Variants in LRP2 observed in about 807,000 individuals in gnomAD.
The protein encoded by LRP2 is LDL receptor related protein 2, also known as low-density lipoprotein receptor-related protein 2.
In LRP2, 172 loss-of-function variants were observed where a neutral mutation model predicts 531.0. The observed-to-expected ratio is 0.32, with a 90% confidence interval of 0.29 to 0.37. The LOEUF is 0.37. LRP2 is among the 10% of genes least tolerant of loss of function. The probability of loss-of-function intolerance (pLI) is 1.00; values close to 1 mark genes in which losing one functional copy is unlikely to be tolerated. For missense variants in LRP2, 5,167 were observed against 5,868.3 expected (o/e 0.88, Z 3.90); for synonymous variants, 1,992 against 2,027.6 (o/e 0.98, Z 0.47).
intron 44 of LRP2, 74 bp from the exon 45 acceptor site, chr2:169,198,985 C>A: frequency 6.6e-7 from 1 of 1,510,074 alleles, no homozygotes; most frequent in South Asian, 1.2e-5. Context: ...TCCGTGCTAA[C>A]ACATCTATTG....
intron 10 of LRP2, among the ~76,000 whole-genome samples, chr2:169,281,131 A>T (rs548889750): frequency 6.6e-6 from 1 of 152,320 alleles, no homozygotes; most frequent in African/African-American, 2.4e-5. Flanking sequence ...ATTATAAAAA[A>T]ATAATTAAGG....
intron 50 of LRP2, among the ~76,000 whole-genome samples, chr2:169,184,789 G>C (rs6744155): frequency 6.6e-6 from 1 of 151,402 alleles, no homozygotes; most frequent in Non-Finnish European, 1.5e-5. Flanking sequence ...TTGAGAAAGG[G>C]TCTCACTCTG....
intron 68 of LRP2, among the ~76,000 whole-genome samples, chr2:169,147,945 A>C (rs1011731454): frequency 2.4e-4 from 37 of 152,202 alleles, no homozygotes; most frequent in Non-Finnish European, 4.6e-4. Flanking sequence ...TATGTTAAAA[A>C]AAAAAAAATC....
At chr2:169,205,148 C>T (rs1005816392) in intron 41 of LRP2, among the ~76,000 whole-genome samples, 2 of 151,644 alleles carry the variant, frequency 1.3e-5, no homozygotes, top group Non-Finnish European at 2.9e-5. Flanking sequence ...TAGCAGTTAC[C>T]TAGGGCCTGC....
At position 169,271,091 on chromosome 2, in the gene LRP2, G is replaced by T. The variant is rs1333983104; in HGVS notation, c.2133C>A (p.Leu711=). The T allele has an allele frequency of 6.2e-7, 1 of 1,612,648 alleles. No homozygotes were observed. Among genetic ancestry groups the T allele is most frequent in the Middle Eastern group, 1.7e-4 (1 of 6,046 alleles). The part of the protein sequence containing the change: ...ERHCIAVQNF[L]IFSSQVAIRG... ...GAATAGCAACTTGGGATGAAAAAAT[G>T]AGGAAATTCTGAACAGCTGTAGGAA... Residue 711 remains leucine, a synonymous_variant, in exon 16 of 79, where the codon CTC becomes CTA. Coordinates refer to ENST00000649046, the MANE Select transcript of LRP2 (RefSeq NM_004525.3).
In LRP2 at chr2:169,275,112, G is replaced by T; in HGVS notation, c.1899C>A (p.Thr633=). ...AVLKANKFTE[T]NPQVYYQASL... ...AAGCCTGGTAGTACACTTGTGGGTTGGTCTCTGTGAACTTGTTTGCCTTCA... is the reference window on the plus strand; with the variant it reads ...AAGCCTGGTAGTACACTTGTGGGTTTGTCTCTGTGAACTTGTTTGCCTTCA... The change falls in exon 14 of 79, where the codon ACC becomes ACA. Residue 633 remains threonine, a synonymous_variant. Coordinates refer to ENST00000649046, the MANE Select transcript of LRP2 (RefSeq NM_004525.3). 4 of 1,613,710 alleles carry T rather than the reference G, an allele frequency of 2.5e-6. No homozygotes were observed. The highest frequency in any genetic ancestry group is 3.4e-6 in the Non-Finnish European group (4 of 1,179,844).
intron 1 of LRP2, among the ~76,000 whole-genome samples, chr2:169,328,441 T>TAAAAAAAAAA (rs537210492): frequency 0.01 from 453 of 45,058 alleles, no homozygotes; most frequent in Non-Finnish European, 0.014. Context: ...CGGGCCGGGA[T>TAAAAAAAAAA]AAAAAAAAAA....
chr2:169,320,457 GA>G (rs1304683196), intron 2 of LRP2, among the ~76,000 whole-genome samples: 3 of 152,118 alleles, frequency 2.0e-5, no homozygotes, highest in Non-Finnish European at 4.4e-5. Flanking sequence ...TTTACAGAGT[GA>G]ATATTAGAAA....
chr2:169,300,144 C>A (rs1419208289), intron 4 of LRP2, among the ~76,000 whole-genome samples: 1 of 152,048 alleles, frequency 6.6e-6, no homozygotes, highest in Non-Finnish European at 1.5e-5. Flanking sequence ...AATTATTGCA[C>A]ACCTATAGTG....
Position 169,206,807 on chromosome 2 carries a change from T to C in LRP2, c.6913A>G (p.Lys2305Glu). 6.2e-6 allele frequency: 10 copies of C among 1,614,186 alleles called. No homozygotes were observed. Among genetic ancestry groups the C allele is most frequent in the Non-Finnish European group, 8.5e-6 (10 of 1,180,028 alleles). Residue 2305 changes from lysine (K) to glutamate (E), a missense_variant, in exon 39 of 79, where the codon AAG becomes GAG. Physicochemically the swap from Lys to Glu is moderately conservative, Grantham distance 56. Coordinates refer to ENST00000649046, the MANE Select transcript of LRP2 (RefSeq NM_004525.3). Reference sequence around the variant, plus strand: ...GGTGGCTCTGTGTTCTCTGGTTCCTTGCTGGCTTGGAAGATCTTTTTCAAA... The same window carrying C: ...GGTGGCTCTGTGTTCTCTGGTTCCTCGCTGGCTTGGAAGATCTTTTTCAAA... ...RNLKKIFQAS[K>E]EPENTEPPTV... is the part of the protein sequence containing the mutation.
At chr2:169,164,012 C>T (rs1451631039) in intron 62 of LRP2, among the ~76,000 whole-genome samples, 2 of 152,214 alleles carry the variant, frequency 1.3e-5, no homozygotes, top group Non-Finnish European at 2.9e-5. Flanking sequence ...ACTCTCCTTT[C>T]CAAGCCAGTG....
chr2:169,256,177 T>C lies in LRP2; in HGVS notation c.2699A>G (p.Asp900Gly). The stretch of plus-strand genomic sequence containing the variant: ...GCCCAGTCTTCTTCTGTCTAAACCA[T>C]CAAAGGTGCTGTGCTCAATTTTATC... ...YFDKIEHSTFDGLDRRRLGHI... is the reference protein window; with the variant it reads ...YFDKIEHSTFGGLDRRRLGHI... The change falls in exon 19 of 79, where the codon GAT (aspartate) becomes GGT (glycine). Residue 900 changes from aspartate (D) to glycine (G), a missense_variant. This residue lies in a region of LRP2 where 2,811 missense variants were observed against 3,058.0 expected (regional missense o/e 0.92). Coordinates refer to ENST00000649046, the MANE Select transcript of LRP2 (RefSeq NM_004525.3). 1.2e-6 allele frequency: 2 copies of C among 1,612,968 alleles called. No individual in the cohort carries two copies. The highest frequency in any genetic ancestry group is 8.5e-7 in the Non-Finnish European group (1 of 1,179,214).
At chr2:169,206,260 C>T (rs1688382241) in intron 39 of LRP2, 70 bp downstream of exon 39, 2 of 1,611,730 alleles carry the variant, frequency 1.2e-6, no homozygotes, top group Non-Finnish European at 1.7e-6. Context: ...ATTAGAAACA[C>T]TCAGTCATCC....
chr2:169,225,961 A>G (rs565601695), intron 32 of LRP2, among the ~76,000 whole-genome samples: 1 of 152,380 alleles, frequency 6.6e-6, no homozygotes, highest in South Asian at 2.1e-4. Context: ...GGAAGGCCCC[A>G]GCACCACATC....
At chr2:169,213,975 C>T in intron 35 of LRP2, 105 bp from the exon 36 acceptor site, 2 of 782,174 alleles carry the variant, frequency 2.6e-6, no homozygotes, top group Non-Finnish European at 4.4e-6. Flanking sequence ...TTATACAGCC[C>T]TCTATCCCTT....
intron 1 of LRP2, among the ~76,000 whole-genome samples, chr2:169,349,589 T>A (rs1685789755): frequency 6.6e-6 from 1 of 152,180 alleles, no homozygotes; most frequent in African/African-American, 2.4e-5. Flanking sequence ...AAGGACCAGC[T>A]ATGAGGAAGG....
chr2:169,232,920 C>T (rs1012836417), intron 30 of LRP2, among the ~76,000 whole-genome samples: 1 of 152,196 alleles, frequency 6.6e-6, no homozygotes, highest in Non-Finnish European at 1.5e-5. Flanking sequence ...TTATCTCCCT[C>T]TCCCACCAGA....
intron 29 of LRP2, among the ~76,000 whole-genome samples, chr2:169,234,196 G>C (rs1244482846): frequency 6.6e-6 from 1 of 151,992 alleles, no homozygotes; most frequent in Non-Finnish European, 1.5e-5. Context: ...TTGTTACATA[G>C]GTATACATGT....
intron 76 of LRP2, among the ~76,000 whole-genome samples, chr2:169,136,799 C>T (rs1347200726): frequency 6.6e-6 from 1 of 152,144 alleles, no homozygotes; most frequent in Non-Finnish European, 1.5e-5. Context: ...AGCCTTGTTG[C>T]TCACACACAC....
Sources: gnomAD v4.1 joint callset for allele counts (sites outside exome capture counted in the v4.1 genomes callset) on GRCh38, gnomAD v4.1.1 for gene constraint, gnomAD v4.1.1 regional missense constraint, MANE v1.5 for transcripts, NCBI Gene and HGNC (gene_info 2026-07-23, HGNC 2026-07-21) for gene names.